STAM2: variants seen among roughly 807,000 people sequenced by gnomAD.
STAM2 encodes the protein signal transducing adaptor molecule 2.
In STAM2, 51 loss-of-function variants were observed where a neutral mutation model predicts 65.6. The ratio of observed to expected loss-of-function variants is 0.78; its 90% CI spans 0.62 to 0.98. STAM2 has a LOEUF of 0.98. STAM2 is among the 50% of genes least tolerant of loss of function. The pLI, the probability that STAM2 is intolerant of heterozygous loss-of-function variation, is 0.00. For missense variants in STAM2, 584 were observed against 617.8 expected, an observed-to-expected ratio of 0.95 and a Z score of 0.58; for synonymous variants, 198 against 208.4, an observed-to-expected ratio of 0.95 and a Z score of 0.43.
chr2:152,172,201 T>C (rs1689908631), intron 1 of STAM2, among the ~76,000 whole-genome samples: 1 of 152,108 alleles, frequency 6.6e-6, no homozygotes, highest in African/African-American at 2.4e-5. Context: ...AAAATGAATC[T>C]AGATAAAATG....
At chr2:152,138,238 T>A (rs966365868) in intron 7 of STAM2, among the ~76,000 whole-genome samples, 4 of 152,132 alleles carry the variant, frequency 2.6e-5, no homozygotes, top group Admixed American at 1.3e-4. Flanking sequence ...AAACATAATA[T>A]GTAAAAATAT....
chr2:152,173,336 G>C (rs557651737), intron 1 of STAM2, among the ~76,000 whole-genome samples: 1 of 119,838 alleles, frequency 8.3e-6, no homozygotes, highest in Non-Finnish European at 1.8e-5. Flanking sequence ...TTGTGTATGC[G>C]TGTGTGTCTG....
At chr2:152,149,896 A>C (rs1689410826) in intron 2 of STAM2, among the ~76,000 whole-genome samples, 1 of 152,188 alleles carries the variant, frequency 6.6e-6, no homozygotes, top group African/African-American at 2.4e-5. Context: ...TCTTACAATA[A>C]GGTAAGCTAG....
At chr2:152,175,447 G>C (rs765131978) in intron 1 of STAM2, among the ~76,000 whole-genome samples, 156 bp downstream of exon 1, 4 of 152,176 alleles carry the variant, frequency 2.6e-5, no homozygotes, top group African/African-American at 4.8e-5. Flanking sequence ...GGTTGCCCCA[G>C]AAAAATCCCA....
chr2:152,130,995 CAAA>C (rs11300791), intron 11 of STAM2, among the ~76,000 whole-genome samples: 23 of 93,888 alleles, frequency 2.4e-4, no homozygotes, highest in Non-Finnish European at 3.6e-4. Flanking sequence ...GACTCCATCT[CAAA>C]AAAAAAAAAA....
At chr2:152,175,035 T>C (rs1403015675) in intron 1 of STAM2, among the ~76,000 whole-genome samples, 3 of 152,164 alleles carry the variant, frequency 2.0e-5, no homozygotes, top group South Asian at 2.1e-4. Context: ...CGCGCAATCT[T>C]TGCAATCCGG....
At chr2:152,170,618 A>T (rs1478859599) in intron 1 of STAM2, among the ~76,000 whole-genome samples, 3 of 152,262 alleles carry the variant, frequency 2.0e-5, no homozygotes, top group Non-Finnish European at 4.4e-5. Flanking sequence ...GATAATGCAT[A>T]TTCATATAGT....
chr2:152,153,372 T>C (rs1217906260), intron 1 of STAM2, among the ~76,000 whole-genome samples: 1 of 143,216 alleles, frequency 7.0e-6, no homozygotes, highest in Non-Finnish European at 1.5e-5. Context: ...GAGTAATTTC[T>C]TTTTTTTTTT....
chr2:152,165,875 C>T (rs564491929), intron 1 of STAM2, among the ~76,000 whole-genome samples: 1 of 152,210 alleles, frequency 6.6e-6, no homozygotes, highest in Admixed American at 6.5e-5. Context: ...TAAACGTGCC[C>T]AAAATCAAGA....
chr2:152,123,964 A>C lies in STAM2; in HGVS notation c.1180-29T>G, dbSNP rs776091325. 5.7e-6 allele frequency: 9 copies of C among 1,580,636 alleles called. No homozygotes were observed. In the South Asian group the frequency reaches 9.0e-5, roughly 16 times the overall value. On this transcript the variant is annotated intron_variant, in intron 12 of 13. Coordinates refer to ENST00000263904, the MANE Select transcript of STAM2 (RefSeq NM_005843.6). ...TTAATCAGAAAGAAAAAGTTGATTC[A>C]CTCATCTCCCAAACATGTGCCTAAT...
At chr2:152,129,603 T>C (rs1265195753) in intron 11 of STAM2, among the ~76,000 whole-genome samples, 1 of 152,212 alleles carries the variant, frequency 6.6e-6, no homozygotes, top group African/African-American at 2.4e-5. Context: ...TGATTTCCAT[T>C]GTAGAATGTG....
At chr2:152,173,717 T>C (rs1447034935) in intron 1 of STAM2, among the ~76,000 whole-genome samples, 1 of 152,138 alleles carries the variant, frequency 6.6e-6, no homozygotes, top group Non-Finnish European at 1.5e-5. Flanking sequence ...ATTAACGATT[T>C]GAAATGAAAA....
chr2:152,151,999 G>A (rs114685257), intron 1 of STAM2, among the ~76,000 whole-genome samples: 134 of 152,254 alleles, frequency 8.8e-4, no homozygotes, highest in African/African-American at 3.1e-3. Flanking sequence ...GTGTGCAGTG[G>A]TGTGATCACA....
chr2:152,139,383 A>T (rs1479525749), intron 7 of STAM2, among the ~76,000 whole-genome samples: 1 of 152,190 alleles, frequency 6.6e-6, no homozygotes, highest in Non-Finnish European at 1.5e-5. Context: ...TTACAAAGAT[A>T]ATTAAGACAC....
Position 152,123,804 on chromosome 2 carries a change from G to C in STAM2, c.1311C>G (p.Ser437=). Residue 437 remains serine (S), a synonymous_variant, in exon 13 of 14, where the codon TCC becomes TCG. Transcript: ENST00000263904. ...TTTGAGCAGGCTGTGCTGTCACTGAGGAATTCACATTTGGAGGCAGAGATC... is the reference window on the plus strand; with the variant it reads ...TTTGAGCAGGCTGTGCTGTCACTGACGAATTCACATTTGGAGGCAGAGATC... The part of the protein sequence containing the change: ...PLRSLPPNVN[S]SVTAQPAQTS... 6.2e-7 allele frequency: 1 copy of C among 1,614,102 alleles called. No homozygotes were observed. Among genetic ancestry groups the C allele is most frequent in the Non-Finnish European group, 8.5e-7 (1 of 1,180,022 alleles).
intron 1 of STAM2, among the ~76,000 whole-genome samples, chr2:152,159,727 C>G (rs980930645): frequency 2.0e-5 from 3 of 152,184 alleles, no homozygotes; most frequent in Admixed American, 6.5e-5. Flanking sequence ...CCCTCTCCCT[C>G]TCCCCACAGT....
At chr2:152,139,630 A>G (rs1398580930) in intron 7 of STAM2, among the ~76,000 whole-genome samples, 1 of 152,198 alleles carries the variant, frequency 6.6e-6, no homozygotes, top group Non-Finnish European at 1.5e-5. Context: ...GACTAAAAAT[A>G]TGTTATCTTG....
In STAM2 at chr2:152,144,641, C is replaced by T. The variant is rs183590522; in HGVS notation, c.517+247G>A. 715 of 332,032 alleles carry T rather than the reference C, an allele frequency of 2.2e-3. 5 individuals are homozygous for T. Among genetic ancestry groups the T allele is most frequent in the African/African-American group, 0.014 (636 of 46,594 alleles). 20.6% of individuals were successfully genotyped at this position (332,032 alleles called of 1,614,324 possible). A position where few individuals can be genotyped will look rare whatever the true frequency, so the allele number is the denominator to read the frequency against. On this transcript the variant is annotated intron_variant, in intron 6 of 13. Transcript: ENST00000263904. ...GCAACCTCCGCCTCCTGGGTTCAAG[C>T]GATTCTCCTGCCTCAGCCTCCCGAG... is the stretch of plus-strand genomic sequence containing the variant.
At chr2:152,144,042 A>C in intron 6 of STAM2, 29 bp from the exon 7 acceptor site, 1 of 1,566,778 alleles carries the variant, frequency 6.4e-7, no homozygotes, top group South Asian at 1.2e-5. Flanking sequence ...ATGCAAAGAA[A>C]CTGGAATTAA....
Sources: gnomAD v4.1 joint callset for allele counts (sites outside exome capture counted in the v4.1 genomes callset) on GRCh38, gnomAD v4.1.1 for gene constraint, MANE v1.5 for transcripts, NCBI Gene and HGNC (gene_info 2026-07-23, HGNC 2026-07-21) for gene names.